The following PLCE1 variants were observed in gnomAD, a reference collection of about 807,000 sequenced individuals.
PLCE1 encodes phospholipase C epsilon 1.
PLCE1 carries 119 observed loss-of-function variants against 242.8 expected under a neutral mutation model. That is an observed-to-expected ratio of 0.49 (90% CI 0.42 to 0.57). PLCE1 has a LOEUF of 0.57. PLCE1 is among the 20% of genes least tolerant of loss of function. The pLI, the probability that PLCE1 is intolerant of heterozygous loss-of-function variation, is 0.00. For missense variants in PLCE1, 2,441 were observed against 2,788.8 expected (o/e 0.88, Z 2.81); for synonymous variants, 945 against 1,017.4 (o/e 0.93, Z 1.35).
At chr10:94,030,427 C>G (rs907818283) in intron 1 of PLCE1, among the ~76,000 whole-genome samples, 3 of 151,584 alleles carry the variant, frequency 2.0e-5, no homozygotes, top group Non-Finnish European at 4.4e-5. Flanking sequence ...ATCTGAAAAC[C>G]ACTGGGTTTT....
chr10:94,324,698 G>T, intron 31 of PLCE1, 131 bp downstream of exon 31: 1 of 991,322 alleles, frequency 1.0e-6, no homozygotes. Flanking sequence ...GGAGAAAATT[G>T]TTTGGCTTTG....
Position 94,104,584 on chromosome 10 carries a change from C to T in PLCE1, c.1207-27590C>T, listed in dbSNP as rs577791752. The T allele has an allele frequency of 2.6e-5, 4 of 152,288 alleles. No homozygotes were observed. The South Asian group carries it at 6.2e-4, about 24-fold the overall frequency. 9.4% of individuals were successfully genotyped at this position (152,288 alleles called of 1,614,324 possible). On this transcript the variant is annotated intron_variant, in intron 2 of 32. Coordinates refer to ENST00000371380, the MANE Select transcript of PLCE1 (RefSeq NM_016341.4). ...GAACCAAATGAATGATGGCCTTTTG[C>T]GGCTTCTGTTTGCCACTTTGATATT...
At position 94,324,496 on chromosome 10, in the gene PLCE1, T is replaced by C; in HGVS notation, c.6649T>C (p.Cys2217Arg). Residue 2217 changes from cysteine (C) to arginine (R), a missense_variant, in exon 31 of 33, where the codon TGT (cysteine) becomes CGT (arginine). Physicochemically the swap from Cys to Arg is radical, Grantham distance 180. This residue lies in a region of PLCE1 where 310 missense variants were observed against 317.2 expected (regional missense o/e 0.98). Transcript: ENST00000371380. The stretch of plus-strand genomic sequence containing the variant: ...TCAGCGGGTCCTTCTGGATCAGGAG[T>C]GTGTGTTTCAAGCCCAAAGCAAGTG... ...SSQRVLLDQE[C>R]VFQAQSKWKG... 3 of 1,613,750 alleles carry C rather than the reference T, an allele frequency of 1.9e-6. No individual in the cohort carries two copies. The highest frequency in any genetic ancestry group is 2.5e-6 in the Non-Finnish European group (3 of 1,179,946).
Position 93,999,478 on chromosome 10 carries a change from A to T in PLCE1, c.-365+5220A>T, listed in dbSNP as rs1015774024. Among the ~76,000 whole-genome samples the T allele has an allele frequency of 3.3e-5, 5 of 152,316 alleles. No individual in the cohort carries two copies. In the East Asian group the frequency reaches 9.6e-4, roughly 29 times the overall value. On this transcript the variant is annotated intron_variant, in intron 1 of 32. Coordinates refer to ENST00000371380, the MANE Select transcript of PLCE1 (RefSeq NM_016341.4). ...ATTTCTGGCTGTTGAGTCTGACACTATCAGCCACTGAATGGTATGTGACTG... is the reference window on the plus strand; with the variant it reads ...ATTTCTGGCTGTTGAGTCTGACACTTTCAGCCACTGAATGGTATGTGACTG...
intron 2 of PLCE1, among the ~76,000 whole-genome samples, chr10:94,049,826 C>T (rs1328877752): frequency 6.6e-6 from 1 of 152,160 alleles, no homozygotes; most frequent in African/African-American, 2.4e-5. Context: ...TAACACCATT[C>T]ACTTGGCCTA....
chr10:94,008,127 G>A (rs946193172), intron 1 of PLCE1, among the ~76,000 whole-genome samples: 14 of 150,700 alleles, frequency 9.3e-5, no homozygotes. Flanking sequence ...GGGAGTTTGA[G>A]GCTGCAGTGA....
At chr10:94,089,447 A>G (rs1407564785) in intron 2 of PLCE1, 1 of 1,266,494 alleles carries the variant, frequency 7.9e-7, no homozygotes, top group Non-Finnish European at 1.1e-6. Context: ...CTGTTTCTTT[A>G]CTAGCACCAT....
intron 1 of PLCE1, among the ~76,000 whole-genome samples, chr10:94,020,265 C>A (rs1262521483): frequency 6.6e-6 from 1 of 152,102 alleles, no homozygotes; most frequent in South Asian, 2.1e-4. Flanking sequence ...TGTTGAATAT[C>A]TTTTCGTGTA....
At chr10:94,308,842 C>A in intron 27 of PLCE1, 143 bp downstream of exon 27, 1 of 753,632 alleles carries the variant, frequency 1.3e-6, no homozygotes, top group South Asian at 1.4e-5. Context: ...TGACACTTGG[C>A]ACTGACTAAG....
In PLCE1 at chr10:94,234,253, G is replaced by A. The variant is rs771716896; in HGVS notation, c.2155G>A (p.Gly719Ser). ...GAAGGAGCTCTGTGAAGTGCTTGAC[G>A]GCGCCTCCGGTCTCATGAAGCTTTG... is the stretch of plus-strand genomic sequence containing the variant. ...FLKELCEVLD[G>S]ASGLMKLCPR... Residue 719 changes from glycine to serine, a missense_variant, in exon 6 of 33, where the codon GGC (glycine) becomes AGC (serine). Around this residue, in one of 5 missense-constraint regions of PLCE1, gnomAD observed 733 missense variants for 754.2 expected, o/e 0.97. Transcript: ENST00000371380. 34 of 1,613,958 alleles carry A rather than the reference G, an allele frequency of 2.1e-5. No homozygotes were observed. The highest frequency in any genetic ancestry group is 1.9e-4 in the South Asian group (17 of 91,090).
At chr10:93,998,549 T>C (rs1589831306) in intron 1 of PLCE1, among the ~76,000 whole-genome samples, 1 of 152,204 alleles carries the variant, frequency 6.6e-6, no homozygotes, top group East Asian at 1.9e-4. Flanking sequence ...AACTGACCTT[T>C]GCGTAAAATA....
chr10:94,255,077 G>A, intron 11 of PLCE1, 28 bp downstream of exon 11: 2 of 1,610,772 alleles, frequency 1.2e-6, no homozygotes, highest in South Asian at 1.1e-5. Flanking sequence ...TAAAACAGAA[G>A]GACCCTTCAC....
intron 7 of PLCE1, among the ~76,000 whole-genome samples, chr10:94,239,284 T>C (rs1164321130): frequency 6.6e-6 from 1 of 152,196 alleles, no homozygotes. Flanking sequence ...GTGGAGGTAA[T>C]TGAATCACGG....
chr10:94,096,948 A>G (rs530289016), intron 2 of PLCE1: 2 of 152,348 alleles, frequency 1.3e-5, no homozygotes, highest in East Asian at 3.9e-4. Flanking sequence ...TAATAAAGGG[A>G]AACTTTCTAT....
intron 1 of PLCE1, among the ~76,000 whole-genome samples, chr10:93,995,607 T>C (rs910781438): frequency 8.5e-5 from 13 of 152,274 alleles, no homozygotes; most frequent in African/African-American, 3.1e-4. Context: ...ACAACATAAA[T>C]ATCTACTTTG....
intron 18 of PLCE1, among the ~76,000 whole-genome samples, chr10:94,271,052 A>G (rs151223966): frequency 2.0e-5 from 3 of 152,188 alleles, no homozygotes; most frequent in East Asian, 1.9e-4. Context: ...GGGTCCCACA[A>G]ACCTGAGAAA....
intron 1 of PLCE1, among the ~76,000 whole-genome samples, chr10:94,019,778 T>C (rs2061345384): frequency 6.6e-6 from 1 of 152,238 alleles, no homozygotes; most frequent in Non-Finnish European, 1.5e-5. Context: ...AATAGATGCA[T>C]TCAGTGTCTG....
intron 2 of PLCE1, among the ~76,000 whole-genome samples, chr10:94,063,305 C>T (rs2044111855): frequency 6.6e-6 from 1 of 152,180 alleles, no homozygotes; most frequent in Admixed American, 6.5e-5. Flanking sequence ...TTTCTCGTCG[C>T]TCTGTTCTGA....
At chr10:94,065,059 T>A (rs1167628987) in intron 2 of PLCE1, among the ~76,000 whole-genome samples, 1 of 152,222 alleles carries the variant, frequency 6.6e-6, no homozygotes, top group Non-Finnish European at 1.5e-5. Flanking sequence ...GTTTTTCCTC[T>A]GTTAGCTTGT....
Sources: allele counts gnomAD v4.1 joint callset (sites outside exome capture counted in the v4.1 genomes callset), GRCh38; gene constraint gnomAD v4.1.1; regional missense constraint gnomAD v4.1.1; transcripts MANE v1.5; gene names NCBI Gene and HGNC (gene_info 2026-07-23, HGNC 2026-07-21).